The following CSMD1 variants were observed in gnomAD, a reference collection of about 807,000 sequenced individuals.
The protein encoded by CSMD1 is CUB and Sushi multiple domains 1.
In CSMD1, 213 loss-of-function variants were observed where a neutral mutation model predicts 417.5. The ratio of observed to expected loss-of-function variants is 0.51; its 90% CI spans 0.46 to 0.57. CSMD1 has a LOEUF of 0.57. CSMD1 is among the 20% of genes least tolerant of loss of function. The pLI is 0.00. For missense variants in CSMD1, 6,923 were observed against 4,529.7 expected (o/e 1.53, Z -15.17); for synonymous variants, 2,862 against 1,736.8 (o/e 1.65, Z -16.11).
intron 23 of CSMD1, among the ~76,000 whole-genome samples, chr8:3,316,053 G>A (rs1040365893): frequency 6.6e-6 from 1 of 152,104 alleles, no homozygotes; most frequent in Non-Finnish European, 1.5e-5. Flanking sequence ...TATGTTCTCT[G>A]TTGAGGATAT....
chr8:3,475,802 T>C (rs1432515439), intron 11 of CSMD1, among the ~76,000 whole-genome samples: 1 of 152,246 alleles, frequency 6.6e-6, no homozygotes, highest in South Asian at 2.1e-4. Context: ...TATGTATTTG[T>C]TCCTGCCTTA....
Position 3,091,527 on chromosome 8 carries a change from AT to A in CSMD1, c.7273del (p.Ile2425PhefsTer10). The A allele has an allele frequency of 6.2e-7, 1 of 1,603,448 alleles. No homozygotes were observed. The highest frequency in any genetic ancestry group is 1.1e-5 in the South Asian group (1 of 88,464). The stretch of plus-strand genomic sequence containing the variant: ...CCTCATTTACTTACCTGCATAGCGA[AT>A]CTTGAATCCTTTCTTACTGGTGGCA... ...DHATSKKGFK[I>X]RYAAPYCSLT... On this transcript the variant is annotated frameshift_variant, in exon 48 of 70. Transcript: ENST00000635120. LOFTEE classifies it high-confidence loss of function.
intron 1 of CSMD1, among the ~76,000 whole-genome samples, chr8:4,785,926 C>T (rs986149794): frequency 2.6e-5 from 4 of 152,178 alleles, no homozygotes; most frequent in African/African-American, 9.7e-5. Context: ...GAACCCTCCT[C>T]AGTCATGCCC....
chr8:4,877,510 C>A (rs1208840592), intron 1 of CSMD1, among the ~76,000 whole-genome samples: 1 of 152,044 alleles, frequency 6.6e-6, no homozygotes, highest in Non-Finnish European at 1.5e-5. Flanking sequence ...TTCCCGATCC[C>A]CTAAACTTCC....
intron 3 of CSMD1, among the ~76,000 whole-genome samples, chr8:4,074,178 A>C (rs969833764): frequency 3.3e-5 from 5 of 152,130 alleles, no homozygotes; most frequent in African/African-American, 1.2e-4. Flanking sequence ...TGTATGGTCC[A>C]AATTAGTTAA....
intron 5 of CSMD1, among the ~76,000 whole-genome samples, chr8:3,996,942 T>C (rs1363363668): frequency 1.3e-5 from 2 of 152,198 alleles, no homozygotes; most frequent in African/African-American, 2.4e-5. Context: ...GTTTGTCTGG[T>C]AGCCTTCATA....
intron 3 of CSMD1, among the ~76,000 whole-genome samples, chr8:4,134,251 T>C (rs1803284750): frequency 6.6e-6 from 1 of 152,212 alleles, no homozygotes; most frequent in South Asian, 2.1e-4. Flanking sequence ...TGCTGATATA[T>C]TAAATGCCAT....
At chr8:3,634,202 C>A (rs1796922277) in intron 7 of CSMD1, among the ~76,000 whole-genome samples, 1 of 152,130 alleles carries the variant, frequency 6.6e-6, no homozygotes, top group Non-Finnish European at 1.5e-5. Context: ...GACCTTAGGC[C>A]ACAGCAGATA....
intron 25 of CSMD1, among the ~76,000 whole-genome samples, chr8:3,285,852 C>T (rs1803113129): frequency 2.0e-5 from 3 of 151,490 alleles, no homozygotes; most frequent in South Asian, 2.1e-4. Flanking sequence ...TATTATTATA[C>T]TTTAAATTTT....
chr8:4,833,212 A>G (rs1417305675), intron 1 of CSMD1, among the ~76,000 whole-genome samples: 1 of 152,224 alleles, frequency 6.6e-6, no homozygotes, highest in African/African-American at 2.4e-5. Flanking sequence ...TTATAAAGAA[A>G]AGTGGATTAA....
chr8:2,967,195 A>T (rs1804046433), intron 57 of CSMD1, among the ~76,000 whole-genome samples: 1 of 152,226 alleles, frequency 6.6e-6, no homozygotes, highest in African/African-American at 2.4e-5. Flanking sequence ...AAATCTAGGC[A>T]ATTCAGGTCC....
intron 2 of CSMD1, among the ~76,000 whole-genome samples, chr8:4,617,568 C>A (rs1801541081): frequency 6.6e-6 from 1 of 152,080 alleles, no homozygotes; most frequent in African/African-American, 2.4e-5. Context: ...TGGCGCTCTC[C>A]TTATCGATCC....
chr8:3,312,611 G>A (rs1029909954), intron 23 of CSMD1, among the ~76,000 whole-genome samples: 3 of 152,138 alleles, frequency 2.0e-5, no homozygotes, highest in Non-Finnish European at 4.4e-5. Flanking sequence ...TTTACAATGG[G>A]AAGTAGCATT....
chr8:3,567,253 C>A (rs992407191), intron 10 of CSMD1, among the ~76,000 whole-genome samples: 2 of 151,826 alleles, frequency 1.3e-5, no homozygotes, highest in South Asian at 4.2e-4. Flanking sequence ...AAACAATGGT[C>A]ACTAGGAACT....
At chr8:2,963,006 C>G (rs1803635143) in intron 60 of CSMD1, among the ~76,000 whole-genome samples, 1 of 152,190 alleles carries the variant, frequency 6.6e-6, no homozygotes, top group African/African-American at 2.4e-5. Flanking sequence ...TATGATTGAA[C>G]CACTGCACTC....
intron 37 of CSMD1, among the ~76,000 whole-genome samples, chr8:3,179,243 C>G (rs904686826): frequency 6.6e-6 from 1 of 152,052 alleles, no homozygotes; most frequent in Non-Finnish European, 1.5e-5. Context: ...CCGCGCCCAG[C>G]CTATAATCTA....
At chr8:4,375,499 G>A (rs771970068) in intron 3 of CSMD1, among the ~76,000 whole-genome samples, 11 of 152,054 alleles carry the variant, frequency 7.2e-5, no homozygotes, top group Non-Finnish European at 1.0e-4. Context: ...CTCCTTGATG[G>A]GCAAGTGACA....
intron 3 of CSMD1, among the ~76,000 whole-genome samples, chr8:4,044,172 C>G (rs1439987819): frequency 6.6e-6 from 1 of 152,076 alleles, no homozygotes; most frequent in Non-Finnish European, 1.5e-5. Context: ...TTGGGGTGGA[C>G]TCATTCATTC....
At chr8:3,862,554 A>T (rs1372576241) in intron 5 of CSMD1, among the ~76,000 whole-genome samples, 2 of 152,220 alleles carry the variant, frequency 1.3e-5, no homozygotes, top group African/African-American at 4.8e-5. Context: ...TGAGATTTTC[A>T]GCACCTGTAA....
Sources: allele counts gnomAD v4.1 joint callset (sites outside exome capture counted in the v4.1 genomes callset), GRCh38; gene constraint gnomAD v4.1.1; transcripts MANE v1.5; gene names NCBI Gene and HGNC (gene_info 2026-07-23, HGNC 2026-07-21).